NBAS: variants seen among roughly 807,000 people sequenced by gnomAD.
NBAS encodes the protein NAG/BC035112 fusion.
In NBAS, 219 loss-of-function variants were observed where a neutral mutation model predicts 302.5. The observed-to-expected ratio is 0.72, with a 90% CI of 0.65 to 0.81. NBAS has a LOEUF of 0.81. Ranked by LOEUF, NBAS falls within the 30% of genes least tolerant of loss-of-function variation. The pLI, the probability that NBAS is intolerant of heterozygous loss-of-function variation, is 0.00. For missense variants in NBAS, 2,932 were observed against 2,841.6 expected (o/e 1.03, Z -0.72); for synonymous variants, 1,118 against 1,021.6 (o/e 1.09, Z -1.80).
At chr2:15,542,726 G>A (rs77416287) in intron 6 of NBAS, among the ~76,000 whole-genome samples, 12,722 of 152,102 alleles carry the variant, frequency 0.084, 1,692 homozygotes, top group African/African-American at 0.28. Context: ...ATTGACATAT[G>A]CACAGATGCT....
the NBAS span, among the ~76,000 whole-genome samples, chr2:14,994,272 A>C: frequency 1.3e-5 from 2 of 152,222 alleles, no homozygotes; most frequent in Non-Finnish European, 2.9e-5. Flanking sequence ...ATGTACCTTG[A>C]AAGAAGGTGC....
At chr2:14,793,071 T>TCTCA in the NBAS span, among the ~76,000 whole-genome samples, 2 of 45,374 alleles carry the variant, frequency 4.4e-5, no homozygotes, top group African/African-American at 2.4e-4. Context: ...TCTCTGTTTC[T>TCTCA]CTCTCTCTCT....
chr2:14,798,628 TG>T, the NBAS span, among the ~76,000 whole-genome samples: 7 of 152,270 alleles, frequency 4.6e-5, no homozygotes, highest in Non-Finnish European at 8.8e-5. Flanking sequence ...TTTAATTTTC[TG>T]GAACAGTTGC....
chr2:14,901,391 T>G, the NBAS span, among the ~76,000 whole-genome samples: 36,322 of 151,456 alleles, frequency 0.24, 4,518 homozygotes, highest in Non-Finnish European at 0.27. Context: ...AAGGAGAAAA[T>G]TTGATTATTC....
At chr2:14,856,540 A>G in the NBAS span, among the ~76,000 whole-genome samples, 1 of 152,204 alleles carries the variant, frequency 6.6e-6, no homozygotes, top group Non-Finnish European at 1.5e-5. Flanking sequence ...AGGAAACTCA[A>G]AGAAATTCAA....
At chr2:15,048,394 G>A in the NBAS span, among the ~76,000 whole-genome samples, 1 of 152,218 alleles carries the variant, frequency 6.6e-6, no homozygotes, top group East Asian at 1.9e-4. Flanking sequence ...AGAATGCCAT[G>A]CCACCTTCTC....
At chr2:14,870,563 C>T in the NBAS span, among the ~76,000 whole-genome samples, 411 of 152,086 alleles carry the variant, frequency 2.7e-3, no homozygotes, top group African/African-American at 8.9e-3. Context: ...GGCTTAGGTC[C>T]TAGCTAGCAA....
chr2:15,398,734 G>A (rs1414390779), intron 26 of NBAS, among the ~76,000 whole-genome samples: 1 of 152,034 alleles, frequency 6.6e-6, no homozygotes, highest in Non-Finnish European at 1.5e-5. Context: ...GACAAACTTG[G>A]CATGAAGAAC....
chr2:15,399,832 T>A (rs535735842), intron 26 of NBAS, among the ~76,000 whole-genome samples: 1 of 152,256 alleles, frequency 6.6e-6, no homozygotes, highest in South Asian at 2.1e-4. Context: ...AAATAGGGAT[T>A]ATTCAGAATG....
the NBAS span, among the ~76,000 whole-genome samples, chr2:15,147,909 C>T: frequency 3.9e-5 from 6 of 152,138 alleles, no homozygotes; most frequent in East Asian, 1.2e-3. Flanking sequence ...AGACTTCACC[C>T]CAGGGCCTGA....
the NBAS span, among the ~76,000 whole-genome samples, chr2:14,884,144 C>A: frequency 0.092 from 13,934 of 152,046 alleles, 1,019 homozygotes; most frequent in African/African-American, 0.2. Context: ...CATGGTCCAA[C>A]CAGGGATCCT....
the NBAS span, among the ~76,000 whole-genome samples, chr2:15,033,984 G>GGAAGAAGAGGAAGAAGAAGAAGAAGAA: frequency 3.6e-5 from 2 of 56,288 alleles, no homozygotes; most frequent in African/African-American, 8.5e-5. Context: ...AAGAGGAAGA[G>GGAAGAAGAGGAAGAAGAAGAAGAAGAA]GAAGAAGAAG....
intron 6 of NBAS, among the ~76,000 whole-genome samples, chr2:15,540,131 T>C (rs955229435): frequency 1.3e-5 from 2 of 152,246 alleles, no homozygotes; most frequent in Admixed American, 6.5e-5. Flanking sequence ...TTTCATCTTA[T>C]TGGAATCTCA....
the NBAS span, among the ~76,000 whole-genome samples, chr2:14,804,617 G>A: frequency 3.3e-5 from 5 of 152,202 alleles, no homozygotes; most frequent in African/African-American, 1.2e-4. Flanking sequence ...TGTTAATTCA[G>A]TTTTCATGCT....
intron 32 of NBAS, among the ~76,000 whole-genome samples, chr2:15,363,614 C>T (rs1312040576): frequency 6.6e-6 from 1 of 152,116 alleles, no homozygotes; most frequent in African/African-American, 2.4e-5. Context: ...TTCCTGTCTC[C>T]TCATTTTCAA....
the NBAS span, among the ~76,000 whole-genome samples, chr2:14,991,302 G>A: frequency 6.6e-6 from 1 of 151,956 alleles, no homozygotes; most frequent in Non-Finnish European, 1.5e-5. Flanking sequence ...CTGGATTAAT[G>A]TCTCAGCTCT....
rs117237035 is a variant in NBAS, at chr2:15,358,215, C to A, written c.3818-1799G>T. ...GCCCAGCCCAGCCGGCATACTTTAC[C>A]ACAGATATCAATTCCTGCTCTTTGC... On this transcript the variant is annotated intron_variant, in intron 32 of 51. Transcript: ENST00000281513. 2.0e-5 allele frequency among the ~76,000 whole-genome samples: 3 copies of A among 152,226 alleles called. No homozygotes were observed. In the East Asian group the frequency reaches 5.8e-4, roughly 29 times the overall value.
rs538623461 is a variant in NBAS at position 15,225,198 on chromosome 2, A to G, written c.6237-6230T>C. On this transcript the variant is annotated intron_variant, in intron 47 of 51. Coordinates refer to ENST00000281513, the MANE Select transcript of NBAS (RefSeq NM_015909.4). ...TGGGTTCTTGGAGAACTGTAGGCAT[A>G]ATTAAAAAACAAAACAGAGTATCTT... 6.6e-5 allele frequency among the ~76,000 whole-genome samples: 10 copies of G among 152,334 alleles called. No individual in the cohort carries two copies. The South Asian group carries it at 2.1e-3, about 32-fold the overall frequency.
chr2:15,402,083 A>C lies in NBAS; in HGVS notation c.3071+85T>G, dbSNP rs1483896549. On this transcript the variant is annotated intron_variant, in intron 26 of 51. Transcript: ENST00000281513. ...TTTTTCACATTCCCAAAATTCTCTA[A>C]GGTAAGCATTTGGGGAAGCAACGTT... 3 of 1,451,822 alleles carry C rather than the reference A, an allele frequency of 2.1e-6. No homozygotes were observed. In the East Asian group the frequency reaches 6.8e-5, roughly 33 times the overall value. The allele number at this position is 1,451,822 out of a possible 1,614,324, so 89.9% of individuals were successfully genotyped here. A position where few individuals can be genotyped will look rare whatever the true frequency, so the allele number is the denominator to read the frequency against.
Sources: gnomAD v4.1 joint callset for allele counts (sites outside exome capture counted in the v4.1 genomes callset) on GRCh38, gnomAD v4.1.1 for gene constraint, MANE v1.5 for transcripts, NCBI Gene and HGNC (gene_info 2026-07-23, HGNC 2026-07-21) for gene names.